The following CFTR variants were observed in gnomAD, a reference collection of about 807,000 sequenced individuals.
The protein encoded by CFTR is CF transmembrane conductance regulator.
CFTR carries 181 observed loss-of-function variants against 171.6 expected under a neutral mutation model. That is an observed-to-expected ratio of 1.05 (90% CI 0.93 to 1.19). The LOEUF (loss-of-function observed/expected upper bound fraction) is 1.19, where lower values mean the gene tolerates loss of function less well. Among genes scored for constraint, CFTR ranks in the 50% most tolerant of loss-of-function variants. CFTR has a pLI of 0.00. For missense variants in CFTR, 1,968 were observed against 1,734.7 expected, an observed-to-expected ratio of 1.13 and a Z score of -2.39; for synonymous variants, 583 against 608.0, an observed-to-expected ratio of 0.96 and a Z score of 0.60.
chr7:117,611,057 A>T (rs1316039253), intron 19 of CFTR, among the ~76,000 whole-genome samples: 2 of 152,152 alleles, frequency 1.3e-5, no homozygotes, highest in Non-Finnish European at 2.9e-5. Flanking sequence ...TTGTCTTCAG[A>T]CACCCTTTCT....
At chr7:117,626,712 T>C (rs1481672695) in intron 21 of CFTR, among the ~76,000 whole-genome samples, 1 of 152,112 alleles carries the variant, frequency 6.6e-6, no homozygotes, top group Non-Finnish European at 1.5e-5. Flanking sequence ...GGGTACTTAT[T>C]ATATGCCAAG....
At chr7:117,628,252 T>C (rs1337351357) in intron 22 of CFTR, among the ~76,000 whole-genome samples, 1 of 152,182 alleles carries the variant, frequency 6.6e-6, no homozygotes, top group African/African-American at 2.4e-5. Flanking sequence ...TTCCCAGTTA[T>C]TTACTATATT....
At chr7:117,610,425 CAAA>C (rs4148715) in intron 18 of CFTR, 91 bp from the exon 19 acceptor site, 241 of 957,758 alleles carry the variant, frequency 2.5e-4, no homozygotes, top group African/African-American at 2.8e-4. Flanking sequence ...TTAAAGTATG[CAAA>C]AAAAAAAAAA....
chr7:117,494,488 C>T (rs1365301936), intron 1 of CFTR, among the ~76,000 whole-genome samples: 1 of 152,110 alleles, frequency 6.6e-6, no homozygotes, highest in Admixed American at 6.6e-5. Flanking sequence ...AGAGAAATGT[C>T]ACCTCCATCT....
At chr7:117,525,849 G>T (rs1798767737) in intron 3 of CFTR, among the ~76,000 whole-genome samples, 1 of 149,542 alleles carries the variant, frequency 6.7e-6, no homozygotes, top group Non-Finnish European at 1.5e-5. Context: ...TTGCCAGTCT[G>T]TGTCTTTTAA....
At chr7:117,502,424 G>A (rs1309289470) in intron 1 of CFTR, among the ~76,000 whole-genome samples, 2 of 152,186 alleles carry the variant, frequency 1.3e-5, no homozygotes, top group African/African-American at 4.8e-5. Context: ...TTTGGAAAGC[G>A]CTAAATACAC....
chr7:117,612,081 T>A (rs1447675785), intron 20 of CFTR, among the ~76,000 whole-genome samples: 2 of 129,624 alleles, frequency 1.5e-5, no homozygotes, highest in Non-Finnish European at 1.7e-5. Flanking sequence ...TTATCCCTGT[T>A]TTCACAGTTT....
At chr7:117,666,559 T>G (rs907776141) in intron 26 of CFTR, among the ~76,000 whole-genome samples, 2 of 152,188 alleles carry the variant, frequency 1.3e-5, no homozygotes, top group Non-Finnish European at 2.9e-5. Flanking sequence ...TTCAGATCAC[T>G]GTGGAAGAGG....
chr7:117,611,305 A>G (rs573438069), intron 19 of CFTR, among the ~76,000 whole-genome samples: 14 of 152,294 alleles, frequency 9.2e-5, no homozygotes, highest in Admixed American at 8.5e-4. Flanking sequence ...AATTAGCCAG[A>G]AAACTCCCAG....
intron 21 of CFTR, among the ~76,000 whole-genome samples, chr7:117,618,505 C>A (rs1490602655): frequency 6.6e-6 from 1 of 151,832 alleles, no homozygotes; most frequent in Non-Finnish European, 1.5e-5. Flanking sequence ...CACACACACA[C>A]AAAGAAAATA....
Position 117,587,732 on chromosome 7 carries a change from G to A in CFTR, c.1585-7G>A, listed in dbSNP as rs1367201083. 9.0e-6 allele frequency: 14 copies of A among 1,563,642 alleles called. No individual in the cohort carries two copies. The highest frequency in any genetic ancestry group is 1.7e-5 in the Admixed American group (1 of 59,802). On this transcript the variant is annotated splice_polypyrimidine_tract_variant and splice_region_variant and intron_variant, in intron 11 of 26. Coordinates refer to ENST00000003084, the MANE Select transcript of CFTR (RefSeq NM_000492.4). ...GTGACTCTCTAATTTTCTATTTTTG[G>A]TAATAGGACATCTCCAAGTTTGCAG...
intron 11 of CFTR, among the ~76,000 whole-genome samples, chr7:117,566,455 A>G (rs901928281): frequency 2.0e-5 from 3 of 152,120 alleles, no homozygotes; most frequent in African/African-American, 7.2e-5. Context: ...TAAAACATAT[A>G]TTTGAAACAC....
At chr7:117,638,713 G>A (rs931242557) in intron 22 of CFTR, among the ~76,000 whole-genome samples, 1 of 149,298 alleles carries the variant, frequency 6.7e-6, no homozygotes, top group Admixed American at 6.6e-5. Context: ...TCCAGCCTGG[G>A]TGACAAGAGC....
chr7:117,653,798 C>T (rs1371957535), intron 24 of CFTR, among the ~76,000 whole-genome samples: 2 of 152,136 alleles, frequency 1.3e-5, no homozygotes, highest in Non-Finnish European at 2.9e-5. Flanking sequence ...TCAGCTAAAT[C>T]AGCACAAACA....
intron 23 of CFTR, 31 bp downstream of exon 23, chr7:117,642,624 C>T (rs1202552973): frequency 6.2e-7 from 1 of 1,608,216 alleles, no homozygotes; most frequent in Non-Finnish European, 8.5e-7. Flanking sequence ...AGAAAAAAGG[C>T]AACTAAATTA....
At chr7:117,545,017 T>C (rs213937) in intron 9 of CFTR, among the ~76,000 whole-genome samples, 84,793 of 152,124 alleles carry the variant, frequency 0.56, 26,605 homozygotes, top group African/African-American at 0.86. Context: ...TCTGTTTTCA[T>C]GTTGCTGATA....
rs981054713 is a variant in CFTR, at chr7:117,536,705, G to T, written c.869+32G>T. On this transcript the variant is annotated intron_variant, in intron 7 of 26. Coordinates refer to ENST00000003084, the MANE Select transcript of CFTR (RefSeq NM_000492.4). ...TGTTCCAATAATTTCAATATTGTTA[G>T]TAATTCTGTCCTTAATTTTTTAAAA... 2.5e-6 allele frequency: 4 copies of T among 1,574,676 alleles called. No homozygotes were observed. In the South Asian group the frequency reaches 3.3e-5, roughly 13 times the overall value.
At position 117,612,046 on chromosome 7, in the gene CFTR, T is replaced by A. The variant is rs888016379; in HGVS notation, c.3367+238T>A. Among the ~76,000 whole-genome samples the A allele has an allele frequency of 4.8e-3, 355 of 74,254 alleles. 8 individuals are homozygous for A. The highest frequency in any genetic ancestry group is 7.4e-3 in the Non-Finnish European group (270 of 36,334). The allele number at this position is 74,254 out of a possible 152,430, so 48.7% of individuals were successfully genotyped here. A position where few individuals can be genotyped will look rare whatever the true frequency, so the allele number is the denominator to read the frequency against. ...ATGTATATATATATATATATATATA[T>A]ATATATACATATATATATATAGTAT... On this transcript the variant is annotated intron_variant, in intron 20 of 26. Transcript: ENST00000003084.
intron 11 of CFTR, among the ~76,000 whole-genome samples, chr7:117,569,481 A>G (rs1370432121): frequency 6.6e-6 from 1 of 152,218 alleles, no homozygotes; most frequent in Non-Finnish European, 1.5e-5. Context: ...GACAAGGCAT[A>G]TAAGAAGAAA....
Sources: allele counts gnomAD v4.1 joint callset (sites outside exome capture counted in the v4.1 genomes callset), GRCh38; gene constraint gnomAD v4.1.1; transcripts MANE v1.5; gene names NCBI Gene and HGNC (gene_info 2026-07-23, HGNC 2026-07-21).